BPTF: variants seen among roughly 807,000 people sequenced by gnomAD.
BPTF encodes the protein nucleosome-remodeling factor subunit BPTF.
Under a neutral mutation model 292.5 loss-of-function variants are expected in BPTF, and 18 were observed. The observed-to-expected ratio is 0.06, with a 90% CI of 0.04 to 0.09. The LOEUF (loss-of-function observed/expected upper bound fraction) is 0.09. BPTF is among the 10% of genes least tolerant of loss of function. BPTF has a pLI of 1.00. For synonymous variants in BPTF, 1,225 were observed against 1,251.9 expected (o/e 0.98, Z 0.45); for missense variants, 2,726 against 3,498.7 (o/e 0.78, Z 5.57).
intron 4 of BPTF, among the ~76,000 whole-genome samples, chr17:67,887,115 T>C (rs1166717245): frequency 6.6e-6 from 1 of 152,256 alleles, no homozygotes; most frequent in East Asian, 1.9e-4. Flanking sequence ...TTCTGTTTCC[T>C]TATTCTCTCA....
chr17:67,971,066 G>A (rs2068704380), intron 26 of BPTF, among the ~76,000 whole-genome samples: 1 of 152,006 alleles, frequency 6.6e-6, no homozygotes, highest in Non-Finnish European at 1.5e-5. Context: ...AGCCTTCTGA[G>A]TAGCGGGGAT....
rs771253097 is a variant in BPTF at position 67,911,195 on chromosome 17, A to G, written c.3311A>G (p.Glu1104Gly). 1 of 1,613,854 alleles carries G rather than the reference A, an allele frequency of 6.2e-7. No individual in the cohort carries two copies. The highest frequency in any genetic ancestry group is 8.5e-7 in the Non-Finnish European group (1 of 1,179,964). ...ACAAATTCTTCAAAAAATCTCTCTG[A>G]ATCACCAGTAATAACGAAAGCAAAA... ...TSTNSSKNLS[E>G]SPVITKAKEG... The change falls in exon 11 of 28, where the codon GAA becomes GGA. Residue 1104 changes from glutamate (E) to glycine (G), a missense_variant. This residue lies in a region of BPTF where 713 missense variants were observed against 714.9 expected (regional missense o/e 1.00). Transcript: ENST00000306378.
At chr17:67,836,797 T>A (rs1309620673) in intron 1 of BPTF, among the ~76,000 whole-genome samples, 1 of 152,232 alleles carries the variant, frequency 6.6e-6, no homozygotes, top group Non-Finnish European at 1.5e-5. Context: ...TTCAGTAAGT[T>A]ACTCATTTCT....
rs781948804 is a variant in BPTF at position 67,948,285 on chromosome 17, G to A, written c.7905G>A (p.Lys2635=). 1.0e-4 allele frequency: 163 copies of A among 1,613,254 alleles called. No individual in the cohort carries two copies. Among genetic ancestry groups the A allele is most frequent in the Non-Finnish European group, 1.4e-4 (160 of 1,179,826 alleles). Reference sequence around the variant, plus strand: ...TGAAGAAGAGAGCACTCCTGGACAAGGATCTGCAAATTGAAGTGCAGGTAA... The same window carrying A: ...TGAAGAAGAGAGCACTCCTGGACAAAGATCTGCAAATTGAAGTGCAGGTAA... The part of the protein sequence containing the change: ...EILKKRALLD[K]DLQIEVQEEL... Residue 2635 remains lysine, a synonymous_variant, in exon 23 of 28, where the codon AAG becomes AAA. Coordinates refer to ENST00000306378, the MANE Select transcript of BPTF (RefSeq NM_182641.4).
At chr17:67,966,400 A>C (rs1187972540) in intron 25 of BPTF, 172 bp from the exon 26 acceptor site, 8 of 543,006 alleles carry the variant, frequency 1.5e-5, no homozygotes, top group Non-Finnish European at 2.3e-5. Flanking sequence ...ATTATTGTAG[A>C]GGAAGCTCAT....
intron 4 of BPTF, among the ~76,000 whole-genome samples, chr17:67,879,330 C>T (rs1056181120): frequency 6.6e-5 from 10 of 151,804 alleles, no homozygotes; most frequent in South Asian, 6.2e-4. Flanking sequence ...TTAGTAGAGA[C>T]GGGGTTTCAC....
intron 23 of BPTF, chr17:67,957,155 T>G (rs2067032739): frequency 6.6e-6 from 1 of 150,656 alleles, no homozygotes; most frequent in Non-Finnish European, 1.5e-5. Context: ...TGGTGGCACA[T>G]GCCTGTAATC....
At chr17:67,857,643 T>A (rs74561219) in intron 2 of BPTF, among the ~76,000 whole-genome samples, 30,787 of 151,320 alleles carry the variant, frequency 0.2, 3,927 homozygotes, top group East Asian at 0.66. Flanking sequence ...ATTTTTGCAT[T>A]TTTTGTAGAG....
chr17:67,874,295 G>A (rs1280202570), intron 3 of BPTF, among the ~76,000 whole-genome samples: 2 of 152,118 alleles, frequency 1.3e-5, no homozygotes, highest in African/African-American at 4.8e-5. Flanking sequence ...ACAATTAAGG[G>A]ACTTCAGAAA....
Position 67,912,427 on chromosome 17 carries a change from A to G in BPTF, c.4543A>G (p.Thr1515Ala), listed in dbSNP as rs1197882160. 1.2e-6 allele frequency: 2 copies of G among 1,613,894 alleles called. No homozygotes were observed. Among genetic ancestry groups the G allele is most frequent in the Non-Finnish European group, 1.7e-6 (2 of 1,179,980 alleles). Residue 1515 changes from threonine to alanine, a missense_variant, in exon 11 of 28, where the codon ACG becomes GCG. Coordinates refer to ENST00000306378, the MANE Select transcript of BPTF (RefSeq NM_182641.4). Reference sequence around the variant, plus strand: ...AACCAAAGAGTCTGACAGTACACAGACGACCACACCCTCAGCATCTTGTCC... The same window carrying G: ...AACCAAAGAGTCTGACAGTACACAGGCGACCACACCCTCAGCATCTTGTCC... ...PSTKESDSTQ[T>A]TTPSASCPES...
intron 19 of BPTF, among the ~76,000 whole-genome samples, chr17:67,943,013 T>C (rs1598814159): frequency 6.6e-6 from 1 of 152,166 alleles, no homozygotes; most frequent in Non-Finnish European, 1.5e-5. Flanking sequence ...CTCCTGAGTT[T>C]GTGAACCTCA....
intron 4 of BPTF, chr17:67,886,047 C>A: frequency 1.9e-6 from 2 of 1,078,648 alleles, no homozygotes; most frequent in Admixed American, 2.2e-5. Flanking sequence ...TTAATGAAAT[C>A]CTAAAACAAT....
chr17:67,880,840 T>G (rs2060352243), intron 4 of BPTF, among the ~76,000 whole-genome samples: 1 of 152,046 alleles, frequency 6.6e-6, no homozygotes, highest in South Asian at 2.1e-4. Flanking sequence ...GAGAACATTC[T>G]ATGCATGATT....
chr17:67,964,167 C>T (rs782819436), intron 24 of BPTF, 45 bp from the exon 25 acceptor site: 8 of 1,562,502 alleles, frequency 5.1e-6, no homozygotes, highest in Non-Finnish European at 7.0e-6. Flanking sequence ...TAAGTAACAT[C>T]ATCCCATGTG....
intron 11 of BPTF, among the ~76,000 whole-genome samples, chr17:67,914,064 T>C (rs919585641): frequency 1.3e-5 from 2 of 152,232 alleles, no homozygotes; most frequent in Non-Finnish European, 2.9e-5. Context: ...ACATGAGAGT[T>C]CTGGGAACAT....
rs782782569 is a variant in BPTF, at chr17:67,944,369, G to T, written c.6697G>T (p.Ala2233Ser). 6.8e-6 allele frequency: 11 copies of T among 1,612,246 alleles called. No homozygotes were observed. The Admixed American group carries it at 1.8e-4, about 27-fold the overall frequency. ...TTTTTVSTTA[A>S]GTGEQRQSKL... ...CACCACCACTGTTTCCACGACAGCA[G>T]CAGGTAGAGCTGTGGGTTTATCGGA... The change falls in exon 20 of 28, where the codon GCA (alanine) becomes TCA (serine). Residue 2233 changes from alanine to serine, a missense_variant. Physicochemically the swap from Ala to Ser is moderately conservative, Grantham distance 99. Transcript: ENST00000306378.
At chr17:67,943,987 A>T (rs2065603093) in intron 19 of BPTF, among the ~76,000 whole-genome samples, 163 bp from the exon 20 acceptor site, 1 of 152,214 alleles carries the variant, frequency 6.6e-6, no homozygotes, top group African/African-American at 2.4e-5. Flanking sequence ...ACTAAGCAAC[A>T]TAAATATTCT....
rs1284166867 is a variant in BPTF at position 67,912,787 on chromosome 17, C to T, written c.4903C>T (p.Leu1635Phe). 43 of 1,614,146 alleles carry T rather than the reference C, an allele frequency of 2.7e-5. No homozygotes were observed. Among genetic ancestry groups the T allele is most frequent in the Non-Finnish European group, 3.5e-5 (41 of 1,180,028 alleles). ...VTTTTTTVTKLSTPSTGGSVD... is the reference protein window; with the variant it reads ...VTTTTTTVTKFSTPSTGGSVD... The stretch of plus-strand genomic sequence containing the variant: ...AACCACCACTACAACAGTGACCAAG[C>T]TTTCCACACCCTCCACAGGCGGCAG... The change falls in exon 11 of 28, where the codon CTT becomes TTT. Residue 1635 changes from leucine (L) to phenylalanine (F), a missense_variant. Coordinates refer to ENST00000306378, the MANE Select transcript of BPTF (RefSeq NM_182641.4).
Position 67,945,840 on chromosome 17 carries a change from C to G in BPTF, c.7132C>G (p.Gln2378Glu). The G allele has an allele frequency of 6.2e-7, 1 of 1,614,200 alleles. No homozygotes were observed. Among genetic ancestry groups the G allele is most frequent in the East Asian group, 2.2e-5 (1 of 44,892 alleles). Residue 2378 changes from glutamine (Q) to glutamate (E), a missense_variant, in exon 21 of 28, where the codon CAA becomes GAA. Gln to Glu is a conservative substitution (Grantham distance 29). Transcript: ENST00000306378. ...TACAACCTCACAACCGATTCCAATT[C>G]AACCACATACATCTCTTCAGATACC... ...QTTTSQPIPI[Q>E]PHTSLQIPSQ...
Sources: allele counts gnomAD v4.1 joint callset (sites outside exome capture counted in the v4.1 genomes callset), GRCh38; gene constraint gnomAD v4.1.1; regional missense constraint gnomAD v4.1.1; transcripts MANE v1.5; gene names NCBI Gene and HGNC (gene_info 2026-07-23, HGNC 2026-07-21).